The following PUS1 variants were observed in gnomAD, a reference collection of about 807,000 sequenced individuals.
The protein encoded by PUS1 is pseudouridylate synthase 1 homolog.
In PUS1, 25 loss-of-function variants were observed where a neutral mutation model predicts 38.5. That is an observed-to-expected ratio of 0.65 (90% CI 0.47 to 0.91). The LOEUF (loss-of-function observed/expected upper bound fraction) is 0.91, where lower values mean the gene tolerates loss of function less well. PUS1 is among the 40% of genes least tolerant of loss of function. PUS1 has a pLI of 0.00. For missense variants in PUS1, 597 were observed against 612.3 expected (o/e 0.97, Z 0.26); for synonymous variants, 282 against 260.4 (o/e 1.08, Z -0.80).
intron 3 of PUS1, among the ~76,000 whole-genome samples, chr12:131,937,032 G>A (rs1337686295): frequency 1.3e-5 from 2 of 152,142 alleles, no homozygotes; most frequent in Non-Finnish European, 2.9e-5. Context: ...CAGAGTGGTT[G>A]GCAATGAGAT....
chr12:131,936,634 A>C (rs968227966), intron 3 of PUS1, among the ~76,000 whole-genome samples: 4 of 152,168 alleles, frequency 2.6e-5, no homozygotes, highest in Admixed American at 2.6e-4. Flanking sequence ...CACGCCTGTA[A>C]TCCCAACACT....
At chr12:131,938,318 GT>G (rs1218181719) in intron 3 of PUS1, among the ~76,000 whole-genome samples, 1 of 152,074 alleles carries the variant, frequency 6.6e-6, no homozygotes, top group African/African-American at 2.4e-5. Flanking sequence ...CGTGGTGCCT[GT>G]CTGTAGTCTC....
intron 3 of PUS1, among the ~76,000 whole-genome samples, chr12:131,938,381 G>A (rs1180519917): frequency 6.6e-6 from 1 of 152,280 alleles, no homozygotes; most frequent in Admixed American, 6.5e-5. Context: ...GGAGGTCAAG[G>A]TTGCTGTAAG....
intron 3 of PUS1, chr12:131,934,961 G>T (rs916566713): frequency 1.3e-5 from 2 of 152,364 alleles, no homozygotes; most frequent in Admixed American, 1.3e-4. Context: ...AGATCCCTGG[G>T]GATCCATGGA....
At chr12:131,939,061 G>A in intron 3 of PUS1, 112 bp from the exon 4 acceptor site, 1 of 768,540 alleles carries the variant, frequency 1.3e-6, no homozygotes, top group Non-Finnish European at 2.3e-6. Flanking sequence ...ATTTTTAACA[G>A]CTGAATTCAT....
intron 3 of PUS1, among the ~76,000 whole-genome samples, chr12:131,936,518 G>A (rs992537342): frequency 4.6e-5 from 7 of 152,092 alleles, no homozygotes; most frequent in African/African-American, 9.7e-5. Context: ...AGCTGAGATC[G>A]TGCCATTGTA....
intron 3 of PUS1, 31 bp downstream of exon 3, chr12:131,932,343 G>A (rs372585964): frequency 9.9e-5 from 160 of 1,611,344 alleles, no homozygotes; most frequent in Non-Finnish European, 1.2e-4. Flanking sequence ...CCCCTCCCCC[G>A]CTGCTATGAG....
intron 3 of PUS1, among the ~76,000 whole-genome samples, chr12:131,935,574 G>T (rs968095497): frequency 6.6e-6 from 1 of 151,992 alleles, no homozygotes; most frequent in Non-Finnish European, 1.5e-5. Context: ...CACTCTTGTT[G>T]CCCAGGCTGG....
Position 131,943,949 on chromosome 12 carries a change from G to A in PUS1, c.*363G>A, listed in dbSNP as rs1177311089. The A allele has an allele frequency of 1.3e-5, 4 of 304,448 alleles. No homozygotes were observed. The highest frequency in any genetic ancestry group is 6.1e-5 in the South Asian group (2 of 32,768). The allele number at this position is 304,448 out of a possible 1,614,324, so 18.9% of individuals were successfully genotyped here. On this transcript the variant is annotated 3_prime_UTR_variant, in exon 6 of 6. Transcript: ENST00000376649. ...ATGGTGTCCCGTTGAGAACAGATAC[G>A]GCTGAACAAAAGAGAAAGGCCCAGG...
In PUS1 at chr12:131,941,579, G is replaced by T; in HGVS notation, c.832G>T (p.Glu278Ter). Residue 278 changes from glutamate to a stop codon, truncating the protein, a stop_gained, in exon 5 of 6, where the codon GAG becomes TAG. Transcript: ENST00000376649. LOFTEE classifies it high-confidence loss of function. The surrounding 1 kb of genome is among the most constrained non-coding windows in gnomAD (Gnocchi z 4.4). ...GGAACCCTTTGTGCGGGAGGGCCTG[G>T]AGTTTGCGGTGATCAGGGTGAAGGG... ...CEEPFVREGLEFAVIRVKGQS... is the reference protein window; with the variant it reads ...CEEPFVREGL 6.2e-7 allele frequency: 1 copy of T among 1,614,224 alleles called. No homozygotes were observed. The highest frequency in any genetic ancestry group is 8.5e-7 in the Non-Finnish European group (1 of 1,180,032).
chr12:131,932,316 G>C lies in PUS1; in HGVS notation c.441+4G>C, dbSNP rs1223339113. Reference sequence around the variant, plus strand: ...GCGCTGCGCCCGGACAGACAAGGTGGGTGGTGGCCTTCTCTGCCCCTCCCC... The same window carrying C: ...GCGCTGCGCCCGGACAGACAAGGTGCGTGGTGGCCTTCTCTGCCCCTCCCC... On this transcript the variant is annotated splice_donor_region_variant and intron_variant, in intron 3 of 5. Coordinates refer to ENST00000376649, the MANE Select transcript of PUS1 (RefSeq NM_025215.6). 1 of 1,613,194 alleles carries C rather than the reference G, an allele frequency of 6.2e-7. No individual in the cohort carries two copies. Among genetic ancestry groups the C allele is most frequent in the East Asian group, 2.2e-5 (1 of 44,890 alleles).
rs1003549227 is a variant in PUS1, at chr12:131,929,446, G to T, written c.-277G>T. On this transcript the variant is annotated 5_prime_UTR_variant, in exon 1 of 6. Transcript: ENST00000376649. ...GGGGACGTTGGAGTTGATCCGTCAG[G>T]GTCCCGGGGCGGTCTGGGGGCAGTA... The T allele has an allele frequency of 9.7e-6, 4 of 413,704 alleles. No individual in the cohort carries two copies. Among genetic ancestry groups the T allele is most frequent in the Admixed American group, 8.9e-5 (2 of 22,444 alleles). 25.6% of individuals were successfully genotyped at this position (413,704 alleles called of 1,614,324 possible).
intron 3 of PUS1, among the ~76,000 whole-genome samples, chr12:131,936,254 A>G (rs563322462): frequency 2.0e-5 from 3 of 151,680 alleles, no homozygotes; most frequent in Non-Finnish European, 2.9e-5. Context: ...ACTCTTGTAC[A>G]ATTGACCCAT....
chr12:131,935,822 C>T (rs1489427695), intron 3 of PUS1, among the ~76,000 whole-genome samples: 3 of 152,092 alleles, frequency 2.0e-5, no homozygotes, highest in African/African-American at 7.2e-5. Context: ...TGTGAGCCCC[C>T]GTGCCCGGCC....
chr12:131,945,515 G>A lies in PUS1; in HGVS notation c.*1929G>A, dbSNP rs947293007. ...TTTATTTTTTATTTTTATTTTGTTT[G>A]AGACGGAGTCTCGCTGTGTTGCCCA... On this transcript the variant is annotated 3_prime_UTR_variant, in exon 6 of 6. Coordinates refer to ENST00000376649, the MANE Select transcript of PUS1 (RefSeq NM_025215.6). 2 of 152,256 alleles carry A rather than the reference G, an allele frequency of 1.3e-5. No individual in the cohort carries two copies. Among genetic ancestry groups the A allele is most frequent in the African/African-American group, 2.4e-5 (1 of 41,452 alleles). The allele number at this position is 152,256 out of a possible 1,614,324, so 9.4% of individuals were successfully genotyped here.
intron 5 of PUS1, among the ~76,000 whole-genome samples, chr12:131,942,441 C>T (rs181429391): frequency 4.6e-5 from 7 of 151,954 alleles, no homozygotes; most frequent in African/African-American, 1.5e-4. Context: ...AAGTCTTGTT[C>T]TGTCACCCAG....
Position 131,941,683 on chromosome 12 carries a change from C to T in PUS1, c.936C>T (p.Ser312=), listed in dbSNP as rs377060121. Residue 312 remains serine, a synonymous_variant, in exon 5 of 6, where the codon AGC becomes AGT. Coordinates refer to ENST00000376649, the MANE Select transcript of PUS1 (RefSeq NM_025215.6). The surrounding 1 kb of genome is among the most constrained non-coding windows in gnomAD (Gnocchi z 4.4). ...TTGTGAAGGGTTATGCCCCTGAGAG[C>T]GTGCTGGAGCGCAGCTGGGGCACAG... ...VAIVKGYAPE[S]VLERSWGTEK... 23 of 1,614,034 alleles carry T rather than the reference C, an allele frequency of 1.4e-5. No homozygotes were observed. The highest frequency in any genetic ancestry group is 6.7e-5 in the African/African-American group (5 of 74,906).
Position 131,941,695 on chromosome 12 carries a change from C to T in PUS1, c.948C>T (p.Arg316=), listed in dbSNP as rs1891079588. ...ATGCCCCTGAGAGCGTGCTGGAGCG[C>T]AGCTGGGGCACAGAGAAGGTGGACG... The part of the protein sequence containing the change: ...KGYAPESVLE[R]SWGTEKVDVP... Residue 316 remains arginine (R), a synonymous_variant, in exon 5 of 6, where the codon CGC becomes CGT. Transcript: ENST00000376649. This position sits in a 1 kb window ranked among gnomAD's most constrained non-coding sequence, Gnocchi z 4.4. 3.7e-6 allele frequency: 6 copies of T among 1,614,044 alleles called. No individual in the cohort carries two copies. The highest frequency in any genetic ancestry group is 1.3e-5 in the African/African-American group (1 of 74,918).
chr12:131,935,269 T>C (rs1890775194), intron 3 of PUS1, among the ~76,000 whole-genome samples: 1 of 152,260 alleles, frequency 6.6e-6, no homozygotes, highest in Non-Finnish European at 1.5e-5. Flanking sequence ...CATTTTCTTT[T>C]TGATTCTTCC....
Sources: gnomAD v4.1 joint callset for allele counts (sites outside exome capture counted in the v4.1 genomes callset) on GRCh38, gnomAD v4.1.1 for gene constraint, Gnocchi (gnomAD v3.1) non-coding constraint, MANE v1.5 for transcripts, NCBI Gene and HGNC (gene_info 2026-07-23, HGNC 2026-07-21) for gene names.